Variants in C2CD3 observed in about 807,000 individuals in gnomAD.
The protein encoded by C2CD3 is C2 domain-containing protein 3.
A neutral mutation model predicts 234.0 loss-of-function variants in C2CD3; 148 were observed. The observed-to-expected ratio is 0.63, with a 90% CI of 0.55 to 0.72. The LOEUF is 0.72. Among genes scored for constraint, C2CD3 ranks in the 30% least tolerant of loss-of-function variants. The probability of loss-of-function intolerance (pLI) is 0.00; values close to 1 mark genes in which losing one functional copy is unlikely to be tolerated. For missense variants in C2CD3, 2,577 were observed against 2,811.5 expected, an observed-to-expected ratio of 0.92 and a Z score of 1.89; for synonymous variants, 1,000 against 1,035.4, an observed-to-expected ratio of 0.97 and a Z score of 0.66.
chr11:74,088,967 A>G (rs1955771275), intron 20 of C2CD3, among the ~76,000 whole-genome samples: 1 of 152,216 alleles, frequency 6.6e-6, no homozygotes, highest in South Asian at 2.1e-4. Flanking sequence ...AGGATAAACT[A>G]TATTGGTTAT....
chr11:74,090,174 G>A (rs1195392328), intron 20 of C2CD3, among the ~76,000 whole-genome samples: 1 of 152,070 alleles, frequency 6.6e-6, no homozygotes, highest in Non-Finnish European at 1.5e-5. Context: ...GGTGGGGCAC[G>A]TGGTTTAGAT....
chr11:74,129,005 TC>T (rs1565326455), intron 7 of C2CD3: 2 of 275,682 alleles, frequency 7.3e-6, no homozygotes, highest in African/African-American at 4.7e-5. Context: ...TTTCCCCCTT[TC>T]CTATTCCACA....
Position 74,098,203 on chromosome 11 carries a change from C to A in C2CD3, c.2785G>T (p.Val929Phe), listed in dbSNP as rs757924328. Residue 929 changes from valine to phenylalanine, a missense_variant, in exon 16 of 33, where the codon GTC (valine) becomes TTC (phenylalanine). Coordinates refer to ENST00000334126, the MANE Select transcript of C2CD3 (RefSeq NM_001286577.2). ...TCAATCACAGGCATGTAGCTGTCGACAGCAACAACTGGGTACTGGGCATCC... is the reference window on the plus strand; with the variant it reads ...TCAATCACAGGCATGTAGCTGTCGAAAGCAACAACTGGGTACTGGGCATCC... The part of the protein sequence containing the change: ...LLDAQYPVVA[V>F]DSYMPVIDVF... The A allele has an allele frequency of 6.2e-7, 1 of 1,614,118 alleles. No individual in the cohort carries two copies. The highest frequency in any genetic ancestry group is 1.1e-5 in the South Asian group (1 of 91,082).
chr11:74,028,629 C>CTCTT (rs2135408619), intron 31 of C2CD3, among the ~76,000 whole-genome samples: 1 of 152,328 alleles, frequency 6.6e-6, no homozygotes, highest in East Asian at 1.9e-4. Flanking sequence ...AGGAAGCTTT[C>CTCTT]TCTTAATCTT....
At chr11:74,022,095 C>T (rs1012362090) in intron 32 of C2CD3, among the ~76,000 whole-genome samples, 2 of 151,784 alleles carry the variant, frequency 1.3e-5, no homozygotes, top group South Asian at 2.1e-4. Context: ...CACCACACTC[C>T]GACCTGGGCA....
chr11:74,106,891 G>A (rs1274903689), intron 12 of C2CD3, among the ~76,000 whole-genome samples: 1 of 152,192 alleles, frequency 6.6e-6, no homozygotes. Context: ...AGAAACAAGA[G>A]GCTGTCATAT....
At chr11:74,163,948 G>A (rs989376696) in intron 2 of C2CD3, among the ~76,000 whole-genome samples, 5 of 152,114 alleles carry the variant, frequency 3.3e-5, no homozygotes, top group East Asian at 1.9e-4. Flanking sequence ...ACAACTCTAC[G>A]ATACTGGTGT....
intron 3 of C2CD3, among the ~76,000 whole-genome samples, chr11:74,152,408 C>A (rs1047222173): frequency 1.3e-5 from 2 of 152,158 alleles, no homozygotes; most frequent in African/African-American, 4.8e-5. Flanking sequence ...TAGTTAAAAA[C>A]CTTCCCCATA....
chr11:74,148,577 T>G (rs948662766), intron 3 of C2CD3, among the ~76,000 whole-genome samples: 1 of 152,248 alleles, frequency 6.6e-6, no homozygotes, highest in East Asian at 1.9e-4. Flanking sequence ...TTACAGCCAG[T>G]CTGCTTGACT....
At chr11:74,102,442 T>C (rs1031264904) in intron 14 of C2CD3, among the ~76,000 whole-genome samples, 9 of 152,242 alleles carry the variant, frequency 5.9e-5, no homozygotes, top group African/African-American at 1.9e-4. Flanking sequence ...CTGGCTTATA[T>C]AGAAATGTAG....
chr11:74,013,504 C>T lies in C2CD3; in HGVS notation c.6943G>A (p.Gly2315Arg). The change falls in exon 33 of 33, where the codon GGA (glycine) becomes AGA (arginine). Residue 2315 changes from glycine to arginine, a missense_variant. Transcript: ENST00000334126. The stretch of plus-strand genomic sequence containing the variant: ...CGACAAGGCCTTTGGGAGAGAGCTC[C>T]CCTGGTGGCTTCGCTCTTGTCCTGG... ...TDQDKSEATR[G>R]ALSQRPCRPR... is the part of the protein sequence containing the mutation. The T allele has an allele frequency of 1.5e-6, 2 of 1,370,666 alleles. No homozygotes were observed. Among genetic ancestry groups the T allele is most frequent in the South Asian group, 1.8e-5 (1 of 56,634 alleles). The allele number at this position is 1,370,666 out of a possible 1,614,324, so 84.9% of individuals were successfully genotyped here.
At chr11:74,015,977 T>C (rs981856994) in intron 32 of C2CD3, among the ~76,000 whole-genome samples, 3 of 151,686 alleles carry the variant, frequency 2.0e-5, no homozygotes, top group African/African-American at 2.4e-5. Flanking sequence ...CTCAGGAGGC[T>C]GTGGTGGGAG....
chr11:74,096,091 T>C (rs1956095315), intron 16 of C2CD3, among the ~76,000 whole-genome samples: 1 of 152,164 alleles, frequency 6.6e-6, no homozygotes. Flanking sequence ...AATCGTGTAT[T>C]TATTGAGGAT....
chr11:74,093,980 G>T lies in C2CD3; in HGVS notation c.3180C>A (p.Phe1060Leu). 6.2e-7 allele frequency: 1 copy of T among 1,613,722 alleles called. No homozygotes were observed. Among genetic ancestry groups the T allele is most frequent in the African/African-American group, 1.3e-5 (1 of 75,032 alleles). Residue 1060 changes from phenylalanine (F) to leucine (L), a missense_variant, in exon 18 of 33, where the codon TTC (phenylalanine) becomes TTA (leucine). Coordinates refer to ENST00000334126, the MANE Select transcript of C2CD3 (RefSeq NM_001286577.2). ...FLENGITLKP[F>L]RTATTLCVPD... is the part of the protein sequence containing the mutation. ...GAACACAGAGTGTGGTTGCAGTTCT[G>T]AAGGGCTTCAGAGTAATTCCTTTGG... is the stretch of plus-strand genomic sequence containing the variant.
intron 32 of C2CD3, among the ~76,000 whole-genome samples, chr11:74,018,925 T>C (rs1386947057): frequency 6.6e-6 from 1 of 152,156 alleles, no homozygotes; most frequent in African/African-American, 2.4e-5. Flanking sequence ...CCCCACCTGA[T>C]GCCACCCTCT....
chr11:74,088,049 G>A (rs554152597), intron 20 of C2CD3, among the ~76,000 whole-genome samples: 3 of 152,236 alleles, frequency 2.0e-5, no homozygotes, highest in East Asian at 1.9e-4. Flanking sequence ...AGATGCCAGC[G>A]TAAGGATTCA....
chr11:74,163,374 G>A (rs986929999), intron 2 of C2CD3, among the ~76,000 whole-genome samples: 5 of 152,170 alleles, frequency 3.3e-5, no homozygotes, highest in Non-Finnish European at 5.9e-5. Flanking sequence ...CAAATTACTT[G>A]ACATATCATA....
intron 24 of C2CD3, among the ~76,000 whole-genome samples, chr11:74,065,767 C>A (rs1047996225): frequency 6.6e-6 from 1 of 151,682 alleles, no homozygotes; most frequent in African/African-American, 2.4e-5. Context: ...TTTGTAAGGA[C>A]ATGGATGAAG....
chr11:74,062,426 C>G (rs1310101877), intron 24 of C2CD3, among the ~76,000 whole-genome samples: 1 of 152,224 alleles, frequency 6.6e-6, no homozygotes, highest in Non-Finnish European at 1.5e-5. Context: ...CAAACTGTCT[C>G]TCAGACCACA....
Sources: allele counts gnomAD v4.1 joint callset (sites outside exome capture counted in the v4.1 genomes callset), GRCh38; gene constraint gnomAD v4.1.1; transcripts MANE v1.5; gene names NCBI Gene and HGNC (gene_info 2026-07-23, HGNC 2026-07-21).